SLC36A4: variants seen among roughly 807,000 people sequenced by gnomAD.
The protein encoded by SLC36A4 is neutral amino acid uniporter 4.
SLC36A4 carries 49 observed loss-of-function variants against 50.5 expected under a neutral mutation model. That is an observed-to-expected ratio of 0.97 (90% confidence interval 0.77 to 1.23). The LOEUF (loss-of-function observed/expected upper bound fraction) is 1.23, where lower values mean the gene tolerates loss of function less well. Ranked by LOEUF, SLC36A4 falls within the 50% of genes most tolerant of loss-of-function variation. SLC36A4 has a pLI of 0.00. For synonymous variants in SLC36A4, 207 were observed against 206.5 expected (o/e 1.00, Z -0.02); for missense variants, 611 against 608.4 (o/e 1.00, Z -0.05).
intron 6 of SLC36A4, among the ~76,000 whole-genome samples, chr11:93,170,686 AC>A (rs1169136293): frequency 1.3e-5 from 2 of 152,046 alleles, no homozygotes; most frequent in Non-Finnish European, 2.9e-5. Context: ...ATGCCTACAT[AC>A]CACTATTTTA....
At chr11:93,164,631 T>C (rs962789120) in intron 8 of SLC36A4, among the ~76,000 whole-genome samples, 2 of 152,110 alleles carry the variant, frequency 1.3e-5, no homozygotes, top group Non-Finnish European at 1.5e-5. Flanking sequence ...ATGGAGATAA[T>C]CCAGAGCAGA....
chr11:93,193,229 C>A (rs530078905), intron 1 of SLC36A4, among the ~76,000 whole-genome samples: 1 of 151,950 alleles, frequency 6.6e-6, no homozygotes, highest in Admixed American at 6.6e-5. Context: ...GTTATATCTG[C>A]CAGAAGGAAA....
chr11:93,147,641 T>G lies in SLC36A4; in HGVS notation c.*896A>C, dbSNP rs977190855. ...ATACTATTAAAAATCACACATTCATTTTCAAAGTATTAAAATATAATCAAA... is the reference window on the plus strand; with the variant it reads ...ATACTATTAAAAATCACACATTCATGTTCAAAGTATTAAAATATAATCAAA... On this transcript the variant is annotated 3_prime_UTR_variant, in exon 11 of 11. Transcript: ENST00000326402. 8 of 152,112 alleles carry G rather than the reference T, an allele frequency of 5.3e-5. No homozygotes were observed. The highest frequency in any genetic ancestry group is 1.9e-4 in the African/African-American group (8 of 41,434). 9.4% of individuals were successfully genotyped at this position (152,112 alleles called of 1,614,324 possible).
At position 93,146,469 on chromosome 11, in the gene SLC36A4, A is replaced by G. The variant is rs538986673; in HGVS notation, c.*2068T>C. 6.6e-6 allele frequency: 1 copy of G among 151,940 alleles called. No individual in the cohort carries two copies. The highest frequency in any genetic ancestry group is 2.1e-4 in the South Asian group (1 of 4,822). 9.4% of individuals were successfully genotyped at this position (151,940 alleles called of 1,614,324 possible). Reference sequence around the variant, plus strand: ...TATGACTAAAGGCTCAGTGTAACAGAATTGATATAAAAGTATCTCAAACAA... The same window carrying G: ...TATGACTAAAGGCTCAGTGTAACAGGATTGATATAAAAGTATCTCAAACAA... On this transcript the variant is annotated 3_prime_UTR_variant, in exon 11 of 11. Transcript: ENST00000326402.
At position 93,146,076 on chromosome 11, in the gene SLC36A4, T is replaced by A. The variant is rs1463208262; in HGVS notation, c.*2461A>T. 1 of 152,084 alleles carries A rather than the reference T, an allele frequency of 6.6e-6. No individual in the cohort carries two copies. The highest frequency in any genetic ancestry group is 1.5e-5 in the Non-Finnish European group (1 of 67,984). 9.4% of individuals were successfully genotyped at this position (152,084 alleles called of 1,614,324 possible). On this transcript the variant is annotated 3_prime_UTR_variant, in exon 11 of 11. Coordinates refer to ENST00000326402, the MANE Select transcript of SLC36A4 (RefSeq NM_152313.4). ...AGTATTCATCATTTATTGAATTTAG[T>A]ACTGGATGTTGATTCACCATTCTTA... is the stretch of plus-strand genomic sequence containing the variant.
intron 1 of SLC36A4, among the ~76,000 whole-genome samples, chr11:93,195,649 TCA>T (rs1171044660): frequency 1.3e-5 from 2 of 152,186 alleles, no homozygotes; most frequent in Non-Finnish European, 2.9e-5. Flanking sequence ...AGGGTAAAAG[TCA>T]CAGTTTACAT....
In SLC36A4 at chr11:93,146,613, CA is replaced by C. The variant is rs1406701029; in HGVS notation, c.*1923del. Reference sequence around the variant, plus strand: ...TTTGATGATCAGTTAACGATACAAGCAAAAAATACTTGAACTAAGTTAACAT... The same window carrying C: ...TTTGATGATCAGTTAACGATACAAGCAAAAATACTTGAACTAAGTTAACAT... On this transcript the variant is annotated 3_prime_UTR_variant, in exon 11 of 11. Transcript: ENST00000326402. 3 of 151,692 alleles carry C rather than the reference CA, an allele frequency of 2.0e-5. No individual in the cohort carries two copies. The highest frequency in any genetic ancestry group is 7.3e-5 in the African/African-American group (3 of 41,336). The allele number at this position is 151,692 out of a possible 1,614,324, so 9.4% of individuals were successfully genotyped here. A position where few individuals can be genotyped will look rare whatever the true frequency, so the allele number is the denominator to read the frequency against.
chr11:93,196,390 A>G (rs1026966990), intron 1 of SLC36A4, among the ~76,000 whole-genome samples: 3 of 151,976 alleles, frequency 2.0e-5, no homozygotes, highest in Admixed American at 6.6e-5. Flanking sequence ...TTTTTGAGAC[A>G]GAGTCTCGCT....
At chr11:93,154,306 C>A in intron 9 of SLC36A4, 29 bp from the exon 10 acceptor site, 2 of 1,164,462 alleles carry the variant, frequency 1.7e-6, no homozygotes, top group South Asian at 5.3e-5. Context: ...AAAATTTAGT[C>A]ATTTTTAATG....
intron 6 of SLC36A4, among the ~76,000 whole-genome samples, chr11:93,174,588 CAT>C (rs1861361019): frequency 6.8e-6 from 1 of 146,902 alleles, no homozygotes; most frequent in South Asian, 2.3e-4. Flanking sequence ...GTGGGTTTGT[CAT>C]AGATAGCTCT....
chr11:93,147,628 A>C lies in SLC36A4; in HGVS notation c.*909T>G, dbSNP rs965487165. On this transcript the variant is annotated 3_prime_UTR_variant, in exon 11 of 11. Transcript: ENST00000326402. Reference sequence around the variant, plus strand: ...GCTCAGGTCACATATACTATTAAAAATCACACATTCATTTTCAAAGTATTA... The same window carrying C: ...GCTCAGGTCACATATACTATTAAAACTCACACATTCATTTTCAAAGTATTA... The C allele has an allele frequency of 1.3e-5, 2 of 152,228 alleles. No homozygotes were observed. The highest frequency in any genetic ancestry group is 1.3e-4 in the Admixed American group (2 of 15,264). The allele number at this position is 152,228 out of a possible 1,614,324, so 9.4% of individuals were successfully genotyped here.
rs562950560 is a variant in SLC36A4, at chr11:93,145,946, T to C, written c.*2591A>G. 33 of 152,234 alleles carry C rather than the reference T, an allele frequency of 2.2e-4. No individual in the cohort carries two copies. The South Asian group carries it at 6.4e-3, about 30-fold the overall frequency. 9.4% of individuals were successfully genotyped at this position (152,234 alleles called of 1,614,324 possible). On this transcript the variant is annotated 3_prime_UTR_variant, in exon 11 of 11. Transcript: ENST00000326402. The stretch of plus-strand genomic sequence containing the variant: ...CATCATCAAATACCCTTAATAAGAA[T>C]ACATTTAAGCTTTCCATCTAAATAG...
chr11:93,185,610 A>G (rs911053555), intron 2 of SLC36A4, 81 bp downstream of exon 2: 1 of 1,291,954 alleles, frequency 7.7e-7, no homozygotes, highest in East Asian at 2.4e-5. Context: ...GTAATGTAAT[A>G]GAATGTCTTG....
intron 4 of SLC36A4, 139 bp downstream of exon 4, chr11:93,182,667 C>A: frequency 2.0e-6 from 1 of 493,398 alleles, no homozygotes. Flanking sequence ...GAAATGCTAC[C>A]TTCTTCCATA....
At chr11:93,196,368 A>T (rs1322078907) in intron 1 of SLC36A4, among the ~76,000 whole-genome samples, 2 of 152,076 alleles carry the variant, frequency 1.3e-5, no homozygotes, top group Non-Finnish European at 2.9e-5. Flanking sequence ...GTCAAACGAT[A>T]AGCACTTTTT....
At chr11:93,177,777 G>A (rs1191073586) in intron 6 of SLC36A4, among the ~76,000 whole-genome samples, 1 of 152,140 alleles carries the variant, frequency 6.6e-6, no homozygotes, top group African/African-American at 2.4e-5. Context: ...ATATCAGTTG[G>A]CCCCTACTGG....
At position 93,185,716 on chromosome 11, in the gene SLC36A4, G is replaced by A; in HGVS notation, c.154C>T (p.Gln52Ter). The A allele has an allele frequency of 1.9e-6, 3 of 1,596,004 alleles. No homozygotes were observed. Among genetic ancestry groups the A allele is most frequent in the African/African-American group, 2.7e-5 (2 of 73,910 alleles). The change falls in exon 2 of 11, where the codon CAA becomes TAA. Residue 52 changes from glutamine (Q) to a stop codon, truncating the protein, a stop_gained. Coordinates refer to ENST00000326402, the MANE Select transcript of SLC36A4 (RefSeq NM_152313.4). LOFTEE classifies it high-confidence loss of function. ...QELLPVQKHYQLDDQEGISFV... is the reference protein window; with the variant it reads ...QELLPVQKHY Reference sequence around the variant, plus strand: ...GAAATGCCCTCTTGATCATCAAGTTGGTAATGCTTCTGAACAGGCAGAAGC... The same window carrying A: ...GAAATGCCCTCTTGATCATCAAGTTAGTAATGCTTCTGAACAGGCAGAAGC...
intron 10 of SLC36A4, among the ~76,000 whole-genome samples, chr11:93,153,306 A>C (rs929719956): frequency 2.0e-5 from 3 of 152,136 alleles, no homozygotes; most frequent in Admixed American, 2.0e-4. Context: ...TGATGTAATC[A>C]TCTGTATATT....
At chr11:93,191,411 C>T (rs1862213032) in intron 1 of SLC36A4, among the ~76,000 whole-genome samples, 1 of 152,142 alleles carries the variant, frequency 6.6e-6, no homozygotes, top group Non-Finnish European at 1.5e-5. Flanking sequence ...ATGTATATGG[C>T]AGAAGATTAA....
Sources: allele counts gnomAD v4.1 joint callset (sites outside exome capture counted in the v4.1 genomes callset), GRCh38; gene constraint gnomAD v4.1.1; transcripts MANE v1.5; gene names NCBI Gene and HGNC (gene_info 2026-07-23, HGNC 2026-07-21).